The following SCN8A variants were observed in gnomAD, a reference collection of about 807,000 sequenced individuals.
The protein encoded by SCN8A is sodium voltage-gated channel alpha subunit 8.
In SCN8A, 30 loss-of-function variants were observed where a neutral mutation model predicts 184.1. The ratio of observed to expected loss-of-function variants is 0.16; its 90% CI spans 0.12 to 0.22. SCN8A has a LOEUF of 0.22. Ranked by LOEUF, SCN8A falls within the 10% of genes least tolerant of loss-of-function variation. The probability of loss-of-function intolerance (pLI) is 1.00; values close to 1 mark genes in which losing one functional copy is unlikely to be tolerated. For synonymous variants in SCN8A, 852 were observed against 907.0 expected (o/e 0.94, Z 1.09); for missense variants, 1,057 against 2,498.9 (o/e 0.42, Z 12.30).
At chr12:51,793,251 C>T (rs1378580170) in intron 25 of SCN8A, among the ~76,000 whole-genome samples, 1 of 152,080 alleles carries the variant, frequency 6.6e-6, no homozygotes, top group Non-Finnish European at 1.5e-5. Flanking sequence ...AATCAACAGG[C>T]CCTTCAGTGG....
intron 1 of SCN8A, among the ~76,000 whole-genome samples, chr12:51,597,900 G>C (rs1016136958): frequency 6.6e-6 from 1 of 151,830 alleles, no homozygotes. Flanking sequence ...CTGTTTTTTT[G>C]TCTTAGCAGG....
intron 7 of SCN8A, among the ~76,000 whole-genome samples, chr12:51,700,247 AATT>A (rs1348434945): frequency 6.6e-6 from 1 of 152,092 alleles, no homozygotes; most frequent in Non-Finnish European, 1.5e-5. Flanking sequence ...AGCCTTGTAA[AATT>A]ATTCCTTTCC....
At chr12:51,622,193 A>G (rs921454741) in intron 1 of SCN8A, among the ~76,000 whole-genome samples, 4 of 152,218 alleles carry the variant, frequency 2.6e-5, no homozygotes, top group Admixed American at 2.6e-4. Context: ...GTTTACAGCA[A>G]AGTTGCAAGG....
At chr12:51,705,291 C>A (rs1015696491) in intron 9 of SCN8A, 126 bp from the exon 10 acceptor site, 3 of 767,876 alleles carry the variant, frequency 3.9e-6, no homozygotes, top group African/African-American at 3.5e-5. Flanking sequence ...GGAAGGAGTA[C>A]TGCACAAGGA....
At chr12:51,773,290 A>G (rs1460818870) in intron 19 of SCN8A, among the ~76,000 whole-genome samples, 1 of 152,202 alleles carries the variant, frequency 6.6e-6, no homozygotes, top group Non-Finnish European at 1.5e-5. Flanking sequence ...ATGCTTTAGC[A>G]ATTCCCTCCT....
intron 14 of SCN8A, among the ~76,000 whole-genome samples, chr12:51,755,735 C>T (rs1394944849): frequency 4.6e-5 from 7 of 152,082 alleles, no homozygotes; most frequent in African/African-American, 1.2e-4. Context: ...TTGAGCTAGC[C>T]GTGGATATTG....
At chr12:51,639,571 C>T (rs760282973) in intron 1 of SCN8A, among the ~76,000 whole-genome samples, 2 of 151,978 alleles carry the variant, frequency 1.3e-5, no homozygotes, top group Non-Finnish European at 2.9e-5. Context: ...CGCGCCACAG[C>T]GTGACTCAAA....
At chr12:51,716,124 A>G (rs1178186094) in intron 11 of SCN8A, among the ~76,000 whole-genome samples, 1 of 152,164 alleles carries the variant, frequency 6.6e-6, no homozygotes, top group Non-Finnish European at 1.5e-5. Context: ...GCTTTAGCCC[A>G]GGAATTTGAG....
At chr12:51,713,117 C>T in intron 11 of SCN8A, 1 of 1,251,862 alleles carries the variant, frequency 8.0e-7, no homozygotes, top group Non-Finnish European at 1.2e-6. Flanking sequence ...CTCTTTTTTC[C>T]ACTCTGCCTC....
chr12:51,604,212 C>T (rs993510493), intron 1 of SCN8A, among the ~76,000 whole-genome samples: 1 of 151,372 alleles, frequency 6.6e-6, no homozygotes, highest in African/African-American at 2.5e-5. Flanking sequence ...GATCTGTGAT[C>T]CATTCAAGTT....
At position 51,644,647 on chromosome 12, in the gene SCN8A, C is replaced by T. The variant is rs376884828; in HGVS notation, c.-54-18117C>T. On this transcript the variant is annotated intron_variant, in intron 1 of 26. Coordinates refer to ENST00000627620, the MANE Select transcript of SCN8A (RefSeq NM_001330260.2). Reference sequence around the variant, plus strand: ...AAGTGCCGAGATTGCAGCCTCTGCCCGGCCGCCACCCCGTCTGGGAAGTGA... The same window carrying T: ...AAGTGCCGAGATTGCAGCCTCTGCCTGGCCGCCACCCCGTCTGGGAAGTGA... Among the ~76,000 whole-genome samples the T allele has an allele frequency of 0.019, 2,900 of 152,238 alleles. 205 individuals are homozygous for T. The East Asian group carries it at 0.22, about 11-fold the overall frequency.
chr12:51,785,439 A>G (rs1938056596), intron 21 of SCN8A, among the ~76,000 whole-genome samples: 1 of 152,268 alleles, frequency 6.6e-6, no homozygotes, highest in African/African-American at 2.4e-5. Flanking sequence ...TAAAAGGAAG[A>G]GTGACTCCTT....
intron 16 of SCN8A, 146 bp from the exon 17 acceptor site, chr12:51,768,719 C>T (rs1158487177): frequency 1.2e-5 from 7 of 599,438 alleles, no homozygotes; most frequent in African/African-American, 1.8e-5. Flanking sequence ...GTAACATGAG[C>T]ATTAAAATAC....
intron 17 of SCN8A, 23 bp downstream of exon 17, chr12:51,769,358 G>T: frequency 6.5e-7 from 1 of 1,533,342 alleles, no homozygotes; most frequent in Non-Finnish European, 8.9e-7. Context: ...CCTAGAAACA[G>T]CCTTGATCCT....
intron 1 of SCN8A, among the ~76,000 whole-genome samples, chr12:51,608,720 G>T (rs1442633468): frequency 2.6e-5 from 4 of 151,328 alleles, no homozygotes; most frequent in Non-Finnish European, 5.9e-5. Context: ...TATTTTTTTT[G>T]TTTCAATTTC....
intron 6 of SCN8A, among the ~76,000 whole-genome samples, chr12:51,698,373 C>T (rs1331284809): frequency 6.6e-6 from 1 of 152,214 alleles, no homozygotes; most frequent in Non-Finnish European, 1.5e-5. Context: ...CCTTGAATTT[C>T]AGTTCAGTGG....
chr12:51,600,142 A>G (rs544804897), intron 1 of SCN8A, among the ~76,000 whole-genome samples: 1 of 152,278 alleles, frequency 6.6e-6, no homozygotes, highest in East Asian at 1.9e-4. Flanking sequence ...TTTATTATCT[A>G]AGCTCTCACT....
At chr12:51,746,548 C>G (rs910209877) in intron 13 of SCN8A, among the ~76,000 whole-genome samples, 1 of 152,150 alleles carries the variant, frequency 6.6e-6, no homozygotes, top group Non-Finnish European at 1.5e-5. Context: ...CCCCACATAT[C>G]CATAAATAAA....
rs534556608 is a variant in SCN8A at position 51,800,088 on chromosome 12, A to C, written c.4795+5447A>C. The stretch of plus-strand genomic sequence containing the variant: ...AGATCTCTGCGAGCAAGATTATGAC[A>C]CAAAGCCAGGGAGTTTATATACCCC... On this transcript the variant is annotated intron_variant, in intron 26 of 26. Coordinates refer to ENST00000627620, the MANE Select transcript of SCN8A (RefSeq NM_001330260.2). 9.2e-5 allele frequency among the ~76,000 whole-genome samples: 14 copies of C among 152,368 alleles called. No individual in the cohort carries two copies. In the South Asian group the frequency reaches 2.5e-3, roughly 27 times the overall value.
Sources: gnomAD v4.1 joint callset for allele counts (sites outside exome capture counted in the v4.1 genomes callset) on GRCh38, gnomAD v4.1.1 for gene constraint, MANE v1.5 for transcripts, NCBI Gene and HGNC (gene_info 2026-07-23, HGNC 2026-07-21) for gene names.